RAB28: variants seen among roughly 807,000 people sequenced by gnomAD.
RAB28 encodes the protein ras-related protein Rab-28.
Under a neutral mutation model 31.7 loss-of-function variants are expected in RAB28, and 24 were observed. The observed-to-expected ratio is 0.76, with a 90% CI of 0.55 to 1.06. RAB28 has a LOEUF of 1.06. Among genes scored for constraint, RAB28 ranks in the 50% least tolerant of loss-of-function variants. RAB28 has a pLI of 0.00. For synonymous variants in RAB28, 100 were observed against 90.4 expected (o/e 1.11, Z -0.60); for missense variants, 254 against 258.5 (o/e 0.98, Z 0.12).
chr4:13,468,829 T>C (rs1292203813), intron 3 of RAB28, among the ~76,000 whole-genome samples: 2 of 150,374 alleles, frequency 1.3e-5, no homozygotes, highest in Non-Finnish European at 3.0e-5. Context: ...CTAGTCAGGC[T>C]AACCAAAAAC....
chr4:13,397,850 TC>T (rs1199030210), intron 4 of RAB28, among the ~76,000 whole-genome samples: 4 of 152,148 alleles, frequency 2.6e-5, no homozygotes, highest in African/African-American at 7.2e-5. Context: ...TGCAAGGTTT[TC>T]CTACTCAAAT....
intron 4 of RAB28, among the ~76,000 whole-genome samples, chr4:13,451,185 G>A (rs145568747): frequency 2.8e-3 from 423 of 151,926 alleles, no homozygotes; most frequent in Non-Finnish European, 5.0e-3. Context: ...ATTCTCATCA[G>A]CATTTGTTAT....
intron 4 of RAB28, among the ~76,000 whole-genome samples, chr4:13,412,798 A>G (rs1278657555): frequency 6.6e-6 from 1 of 152,170 alleles, no homozygotes; most frequent in Non-Finnish European, 1.5e-5. Flanking sequence ...TAATTACACA[A>G]CTACTTCTAT....
chr4:13,395,605 C>T (rs570640294), intron 4 of RAB28, among the ~76,000 whole-genome samples: 26 of 151,990 alleles, frequency 1.7e-4, no homozygotes, highest in African/African-American at 6.0e-4. Context: ...TCCACTGCAT[C>T]CACCTATATG....
chr4:13,435,038 AAAG>A (rs1466176129), intron 4 of RAB28, among the ~76,000 whole-genome samples: 3 of 151,014 alleles, frequency 2.0e-5, no homozygotes, highest in Non-Finnish European at 4.4e-5. Context: ...AAAAAAAAGA[AAAG>A]AAAAAGAAAA....
Position 13,367,986 on chromosome 4 carries a change from G to A in RAB28, c.*572C>T. The A allele has an allele frequency of 1.0e-6, 1 of 969,432 alleles. No homozygotes were observed. Among genetic ancestry groups the A allele is most frequent in the Non-Finnish European group, 1.2e-6 (1 of 815,684 alleles). 60.1% of individuals were successfully genotyped at this position (969,432 alleles called of 1,614,324 possible). A position where few individuals can be genotyped will look rare whatever the true frequency, so the allele number is the denominator to read the frequency against. On this transcript the variant is annotated 3_prime_UTR_variant, in exon 7 of 7. Transcript: ENST00000330852. ...TACAAACTACAATATAAACAATTTA[G>A]GCCCTTTTTTAAAAAATGAAAAAAT...
At chr4:13,438,858 C>A (rs1287382397) in intron 4 of RAB28, among the ~76,000 whole-genome samples, 2 of 152,128 alleles carry the variant, frequency 1.3e-5, no homozygotes, top group African/African-American at 4.8e-5. Flanking sequence ...TGAGGAGCTG[C>A]CAAGTTGTTT....
At chr4:13,465,031 A>G (rs1715773839) in intron 3 of RAB28, among the ~76,000 whole-genome samples, 1 of 152,090 alleles carries the variant, frequency 6.6e-6, no homozygotes, top group Non-Finnish European at 1.5e-5. Context: ...ATTGTTGGGT[A>G]CATTGCTGGA....
intron 6 of RAB28, chr4:13,371,814 A>G (rs892844466): frequency 5.8e-5 from 89 of 1,547,784 alleles, no homozygotes; most frequent in Non-Finnish European, 7.6e-5. Flanking sequence ...TAGAGCCACA[A>G]AGCACACTCG....
At position 13,470,101 on chromosome 4, in the gene RAB28, A is replaced by G. The variant is rs113876813; in HGVS notation, c.261+4217T>C. 2.8e-3 allele frequency among the ~76,000 whole-genome samples: 426 copies of G among 152,246 alleles called. 5 individuals carry two copies. Among genetic ancestry groups the G allele is most frequent in the African/African-American group, 9.0e-3 (374 of 41,564 alleles). ...AACACGTACTAAATAAACACAGTACACACACTATTTAACCTTCTCAAAAAA... is the reference window on the plus strand; with the variant it reads ...AACACGTACTAAATAAACACAGTACGCACACTATTTAACCTTCTCAAAAAA... On this transcript the variant is annotated intron_variant, in intron 3 of 6. Transcript: ENST00000330852.
intron 4 of RAB28, among the ~76,000 whole-genome samples, chr4:13,406,773 A>T (rs1167660723): frequency 6.6e-6 from 1 of 152,156 alleles, no homozygotes; most frequent in African/African-American, 2.4e-5. Context: ...CTTTTTTCAT[A>T]TAACTATTGG....
At chr4:13,427,186 G>A (rs1204680049) in intron 4 of RAB28, among the ~76,000 whole-genome samples, 1 of 152,096 alleles carries the variant, frequency 6.6e-6, no homozygotes, top group South Asian at 2.1e-4. Flanking sequence ...AAGGTGGGTA[G>A]GTGAAATCTA....
At chr4:13,413,805 A>G (rs1399904385) in intron 4 of RAB28, among the ~76,000 whole-genome samples, 1 of 152,232 alleles carries the variant, frequency 6.6e-6, no homozygotes, top group Non-Finnish European at 1.5e-5. Flanking sequence ...AACTTGTGCT[A>G]AAATGTTCAG....
At chr4:13,423,484 G>A (rs142233592) in intron 4 of RAB28, among the ~76,000 whole-genome samples, 14 of 151,190 alleles carry the variant, frequency 9.3e-5, no homozygotes, top group African/African-American at 2.2e-4. Context: ...ACTCCGTCTC[G>A]GGGGGGAAAA....
chr4:13,415,874 A>T (rs1414004553), intron 4 of RAB28, among the ~76,000 whole-genome samples: 1 of 152,096 alleles, frequency 6.6e-6, no homozygotes, highest in Admixed American at 6.5e-5. Flanking sequence ...GAGAACCTTT[A>T]TGTCTAGCTA....
intron 4 of RAB28, among the ~76,000 whole-genome samples, chr4:13,404,916 C>A (rs977206481): frequency 1.3e-5 from 2 of 150,116 alleles, no homozygotes; most frequent in Admixed American, 6.6e-5. Context: ...TAAGAAGGAA[C>A]TGTCACTCTG....
intron 4 of RAB28, among the ~76,000 whole-genome samples, chr4:13,423,799 T>G (rs1713317320): frequency 6.6e-6 from 1 of 152,320 alleles, no homozygotes; most frequent in East Asian, 1.9e-4. Context: ...ATGTTTGATA[T>G]TTTTAATAGG....
rs73819852 is a variant in RAB28 at position 13,427,115 on chromosome 4, T to C, written c.391+33584A>G. Among the ~76,000 whole-genome samples, 1,172 of 152,324 alleles carry C rather than the reference T, an allele frequency of 7.7e-3. 17 individuals carry two copies. Among genetic ancestry groups the C allele is most frequent in the African/African-American group, 0.027 (1,111 of 41,582 alleles). ...TATTTTAAAGCAAACTTTTCCATTA[T>C]TGAGGTTTTTCTCATTGTTTCTAGT... On this transcript the variant is annotated intron_variant, in intron 4 of 6. Transcript: ENST00000330852.
At chr4:13,478,283 T>TC (rs1716456667) in intron 2 of RAB28, among the ~76,000 whole-genome samples, 1 of 151,638 alleles carries the variant, frequency 6.6e-6, no homozygotes, top group Non-Finnish European at 1.5e-5. Flanking sequence ...CATATGTTTC[T>TC]CCTTAAACCT....
Sources: allele counts gnomAD v4.1 joint callset (sites outside exome capture counted in the v4.1 genomes callset), GRCh38; gene constraint gnomAD v4.1.1; transcripts MANE v1.5; gene names NCBI Gene and HGNC (gene_info 2026-07-23, HGNC 2026-07-21).